The following ROBO1 variants were observed in gnomAD, a reference collection of about 807,000 sequenced individuals.
ROBO1 encodes roundabout guidance receptor 1, also known as roundabout homolog 1.
ROBO1 carries 149 observed loss-of-function variants against 195.9 expected under a neutral mutation model. The ratio of observed to expected loss-of-function variants is 0.76; its 90% CI spans 0.67 to 0.87. The LOEUF (loss-of-function observed/expected upper bound fraction) is 0.87, where lower values mean the gene tolerates loss of function less well. Ranked by LOEUF, ROBO1 falls within the 40% of genes least tolerant of loss-of-function variation. The pLI, the probability that ROBO1 is intolerant of heterozygous loss-of-function variation, is 0.00. For missense variants in ROBO1, 1,933 were observed against 2,068.3 expected (o/e 0.93, Z 1.27); for synonymous variants, 816 against 733.2 (o/e 1.11, Z -1.82).
intron 3 of ROBO1, among the ~76,000 whole-genome samples, chr3:79,020,462 C>T (rs1051303728): frequency 6.6e-6 from 1 of 152,132 alleles, no homozygotes; most frequent in African/African-American, 2.4e-5. Context: ...GAGGCCCAAG[C>T]GGGCGGATCA....
chr3:78,852,335 G>T (rs1167437660), intron 4 of ROBO1, among the ~76,000 whole-genome samples: 2 of 152,120 alleles, frequency 1.3e-5, no homozygotes, highest in East Asian at 1.9e-4. Flanking sequence ...CATTATAAGA[G>T]ATTTCTCTCT....
At chr3:79,161,109 C>T (rs983279920) in intron 2 of ROBO1, among the ~76,000 whole-genome samples, 1 of 151,914 alleles carries the variant, frequency 6.6e-6, no homozygotes, top group South Asian at 2.1e-4. Flanking sequence ...GGAAAGCCAG[C>T]TGAGGAGCCT....
chr3:79,587,935 A>G (rs969539133), intron 2 of ROBO1, among the ~76,000 whole-genome samples: 1 of 151,718 alleles, frequency 6.6e-6, no homozygotes, highest in African/African-American at 2.4e-5. Flanking sequence ...TTCTTTTGAC[A>G]GGTAAATTAC....
chr3:79,083,169 C>G (rs957028852), intron 3 of ROBO1, among the ~76,000 whole-genome samples: 9 of 152,026 alleles, frequency 5.9e-5, no homozygotes, highest in Non-Finnish European at 1.0e-4. Flanking sequence ...GCACTTCAAC[C>G]TGAGCCACAG....
chr3:78,791,008 T>A (rs2084002315), intron 4 of ROBO1, among the ~76,000 whole-genome samples: 1 of 152,158 alleles, frequency 6.6e-6, no homozygotes, highest in Admixed American at 6.5e-5. Context: ...GGAAATAGGA[T>A]AACACAAATA....
chr3:79,544,827 G>A (rs549461914), intron 2 of ROBO1, among the ~76,000 whole-genome samples: 1 of 151,984 alleles, frequency 6.6e-6, no homozygotes, highest in African/African-American at 2.4e-5. Flanking sequence ...AGGAATCATG[G>A]CCTAATTTAT....
At chr3:79,766,579 CGG>C (rs1200286652) in intron 1 of ROBO1, among the ~76,000 whole-genome samples, 9 of 151,914 alleles carry the variant, frequency 5.9e-5, no homozygotes, top group Admixed American at 1.3e-4. Context: ...GCCGCTGCCC[CGG>C]GTGGAGCGGC....
intron 1 of ROBO1, among the ~76,000 whole-genome samples, chr3:79,706,963 T>A (rs1018591193): frequency 1.1e-4 from 16 of 145,698 alleles, no homozygotes; most frequent in African/African-American, 3.7e-4. Context: ...TATTTGTAGG[T>A]TTTTTTTCTT....
chr3:78,715,709 G>C (rs2081886518), intron 7 of ROBO1, among the ~76,000 whole-genome samples: 1 of 152,050 alleles, frequency 6.6e-6, no homozygotes, highest in African/African-American at 2.4e-5. Flanking sequence ...GCTAATTTTT[G>C]TATTTTAGTA....
chr3:79,094,421 A>T (rs936223819), intron 3 of ROBO1, among the ~76,000 whole-genome samples: 1 of 152,118 alleles, frequency 6.6e-6, no homozygotes, highest in African/African-American at 2.4e-5. Flanking sequence ...GCAAATCATA[A>T]GTACTGCATG....
At chr3:79,505,731 A>G (rs1940356486) in intron 2 of ROBO1, among the ~76,000 whole-genome samples, 1 of 152,240 alleles carries the variant, frequency 6.6e-6, no homozygotes. Flanking sequence ...AGGGTAGGTA[A>G]TACAGGCAGA....
chr3:79,725,889 T>G (rs2107322635), intron 1 of ROBO1, among the ~76,000 whole-genome samples: 1 of 150,362 alleles, frequency 6.7e-6, no homozygotes, highest in South Asian at 2.2e-4. Flanking sequence ...ATAATAAAGC[T>G]TACATACAGA....
At chr3:79,139,795 C>T (rs1304713036) in intron 2 of ROBO1, among the ~76,000 whole-genome samples, 1 of 152,114 alleles carries the variant, frequency 6.6e-6, no homozygotes, top group Non-Finnish European at 1.5e-5. Flanking sequence ...CCCTGGTATT[C>T]AAAGGCGTTT....
intron 1 of ROBO1, among the ~76,000 whole-genome samples, chr3:79,647,518 C>G (rs1435038031): frequency 6.6e-6 from 1 of 151,990 alleles, no homozygotes; most frequent in East Asian, 1.9e-4. Context: ...GGGCAATTTT[C>G]CCCACACAGT....
intron 1 of ROBO1, among the ~76,000 whole-genome samples, chr3:79,674,838 G>T (rs796160173): frequency 4.0e-5 from 3 of 74,290 alleles, no homozygotes; most frequent in African/African-American, 2.1e-4. Flanking sequence ...GTGTGTGTGT[G>T]TGTGTGTGTG....
At chr3:79,618,390 T>C (rs140146828) in intron 1 of ROBO1, among the ~76,000 whole-genome samples, 1 of 151,986 alleles carries the variant, frequency 6.6e-6, no homozygotes, top group East Asian at 1.9e-4. Context: ...GAAGTGAAAA[T>C]AGCCAATTCC....
intron 3 of ROBO1, chr3:79,018,949 C>A (rs913004488): frequency 1.0e-6 from 1 of 988,356 alleles, no homozygotes; most frequent in Non-Finnish European, 1.2e-6. Flanking sequence ...GCGGGCCACC[C>A]GCGGCGGCGG....
At chr3:79,618,380 G>T (rs1944892380) in intron 1 of ROBO1, among the ~76,000 whole-genome samples, 1 of 152,136 alleles carries the variant, frequency 6.6e-6, no homozygotes, top group African/African-American at 2.4e-5. Flanking sequence ...AACCACAAAA[G>T]AAGTGAAAAT....
At chr3:79,126,207 T>A (rs2080212821) in intron 2 of ROBO1, among the ~76,000 whole-genome samples, 1 of 152,236 alleles carries the variant, frequency 6.6e-6, no homozygotes, top group African/African-American at 2.4e-5. Flanking sequence ...TTGGATATTT[T>A]GGGTTGGATA....
Sources: gnomAD v4.1 joint callset for allele counts (sites outside exome capture counted in the v4.1 genomes callset) on GRCh38, gnomAD v4.1.1 for gene constraint, MANE v1.5 for transcripts, NCBI Gene and HGNC (gene_info 2026-07-23, HGNC 2026-07-21) for gene names.